Variants in CDON observed in about 807,000 individuals in gnomAD.
The protein encoded by CDON is cell adhesion molecule-related/down-regulated by oncogenes.
In CDON, 73 loss-of-function variants were observed where a neutral mutation model predicts 120.9. That is an observed-to-expected ratio of 0.60 (90% CI 0.50 to 0.73). The LOEUF (loss-of-function observed/expected upper bound fraction) is 0.73. Among genes scored for constraint, CDON ranks in the 30% least tolerant of loss-of-function variants. The pLI is 0.00. For synonymous variants in CDON, 566 were observed against 573.5 expected (o/e 0.99, Z 0.19); for missense variants, 1,470 against 1,587.3 (o/e 0.93, Z 1.26).
chr11:125,992,298 CA>C (rs1946652075), intron 14 of CDON, among the ~76,000 whole-genome samples: 1 of 152,098 alleles, frequency 6.6e-6, no homozygotes, highest in South Asian at 2.1e-4. Flanking sequence ...GCAAAGACCG[CA>C]ATTACTTTTT....
chr11:125,960,574 G>A lies in CDON; in HGVS notation c.*368C>T, dbSNP rs1279056801. On this transcript the variant is annotated 3_prime_UTR_variant, in exon 20 of 20. Transcript: ENST00000531738. ...AACCCAGCTGGTGGCAACCTTCAAC[G>A]GGCCCCTGCATTCCCTCCTAGCCGA... is the stretch of plus-strand genomic sequence containing the variant. 10 of 241,434 alleles carry A rather than the reference G, an allele frequency of 4.1e-5. No individual in the cohort carries two copies. The East Asian group carries it at 1.0e-3, about 25-fold the overall frequency. The allele number at this position is 241,434 out of a possible 1,614,324, so 15.0% of individuals were successfully genotyped here. A position where few individuals can be genotyped will look rare whatever the true frequency, so the allele number is the denominator to read the frequency against.
At chr11:126,045,695 GCA>G (rs1317913019) in intron 1 of CDON, among the ~76,000 whole-genome samples, 2 of 152,058 alleles carry the variant, frequency 1.3e-5, no homozygotes, top group Non-Finnish European at 2.9e-5. Context: ...ATTCGGCTGG[GCA>G]CAGTGGCTCA....
chr11:125,983,342 TTCC>T (rs1367606052), intron 16 of CDON, among the ~76,000 whole-genome samples: 79 of 152,316 alleles, frequency 5.2e-4, no homozygotes, highest in African/African-American at 1.9e-3. Context: ...AGCACACGTA[TTCC>T]TAGACACACT....
chr11:125,981,385 T>TGCACATAC, intron 16 of CDON, 56 bp from the exon 17 acceptor site: 1 of 1,552,582 alleles, frequency 6.4e-7, no homozygotes, highest in Non-Finnish European at 8.8e-7. Flanking sequence ...CACGCACACA[T>TGCACATAC]GCACATACGC....
At position 126,021,373 on chromosome 11, in the gene CDON, A is replaced by G. The variant is rs1461359021; in HGVS notation, c.224T>C (p.Val75Ala). 13 of 1,614,040 alleles carry G rather than the reference A, an allele frequency of 8.1e-6. No homozygotes were observed. The South Asian group carries it at 9.9e-5, about 12-fold the overall frequency. ...TGTCAGAGTCCCCTGATGAATCTTA[A>G]CATGTTCCAGGTTTCCATCCAATGT... ...GKTLDGNLEH[V>A]KIHQGTLTIL... The change falls in exon 3 of 20, where the codon GTT becomes GCT. Residue 75 changes from valine (V) to alanine (A), a missense_variant. By Grantham distance (64) the Val-to-Ala change is moderately conservative (BLOSUM62 0). Coordinates refer to ENST00000531738, the MANE Select transcript of CDON (RefSeq NM_001378964.1).
At chr11:126,030,346 T>C (rs1470466733) in intron 1 of CDON, among the ~76,000 whole-genome samples, 2 of 152,248 alleles carry the variant, frequency 1.3e-5, no homozygotes, top group African/African-American at 4.8e-5. Context: ...TACTTTGTTT[T>C]TGAAGCAACG....
chr11:126,015,896 C>CAGAAGAAT (rs1947453834), intron 6 of CDON, among the ~76,000 whole-genome samples: 1 of 152,072 alleles, frequency 6.6e-6, no homozygotes, highest in Non-Finnish European at 1.5e-5. Flanking sequence ...AACAGAAGAA[C>CAGAAGAAT]GTTTTACTCA....
chr11:126,044,288 T>C (rs1206443673), intron 1 of CDON, among the ~76,000 whole-genome samples: 1 of 152,174 alleles, frequency 6.6e-6, no homozygotes, highest in Non-Finnish European at 1.5e-5. Context: ...TATCGGGGAG[T>C]ACTTTTAAAG....
intron 18 of CDON, among the ~76,000 whole-genome samples, chr11:125,972,151 C>T (rs1946017373): frequency 6.6e-6 from 1 of 152,250 alleles, no homozygotes; most frequent in East Asian, 1.9e-4. Flanking sequence ...AGGGGTCAGG[C>T]GCGGTAGCTC....
At chr11:125,972,290 T>C (rs1207749327) in intron 18 of CDON, among the ~76,000 whole-genome samples, 3 of 152,064 alleles carry the variant, frequency 2.0e-5, no homozygotes, top group Non-Finnish European at 2.9e-5. Flanking sequence ...TAGCCAGCCA[T>C]GGTGCCACAC....
Position 126,019,762 on chromosome 11 carries a change from A to T in CDON, c.353T>A (p.Leu118His), listed in dbSNP as rs1947580269. ...CTTTGTGGATGAACCAAAATCACCA[A>T]GAACTGAAATATATAAGGAAACAGA... is the stretch of plus-strand genomic sequence containing the variant. ...SGPATVSVAV[L>H]GDFGSSTKHV... Residue 118 changes from leucine to histidine, a missense_variant, in exon 4 of 20, where the codon CTT becomes CAT. Physicochemically the swap from Leu to His is moderately conservative, Grantham distance 99. Coordinates refer to ENST00000531738, the MANE Select transcript of CDON (RefSeq NM_001378964.1). 6.2e-7 allele frequency: 1 copy of T among 1,611,570 alleles called. No individual in the cohort carries two copies. The highest frequency in any genetic ancestry group is 8.5e-7 in the Non-Finnish European group (1 of 1,177,998).
Position 125,959,109 on chromosome 11 carries a change from A to G in CDON, c.*1833T>C, listed in dbSNP as rs1945569981. ...CCCTAATATCCGACTAGGGAATTAC[A>G]TTCACTACATTCTACTGGAAGTAAC... On this transcript the variant is annotated 3_prime_UTR_variant, in exon 20 of 20. Transcript: ENST00000531738. 1 of 152,214 alleles carries G rather than the reference A, an allele frequency of 6.6e-6. No individual in the cohort carries two copies. The highest frequency in any genetic ancestry group is 2.1e-4 in the South Asian group (1 of 4,830). 9.4% of individuals were successfully genotyped at this position (152,214 alleles called of 1,614,324 possible).
chr11:125,998,173 A>G (rs1946843242), intron 11 of CDON, among the ~76,000 whole-genome samples: 1 of 152,180 alleles, frequency 6.6e-6, no homozygotes, highest in Admixed American at 6.5e-5. Flanking sequence ...AGGAGGTGAA[A>G]ACATGAGGAG....
chr11:125,975,946 C>T (rs987208638), intron 18 of CDON, among the ~76,000 whole-genome samples: 1 of 152,182 alleles, frequency 6.6e-6, no homozygotes, highest in South Asian at 2.1e-4. Context: ...ATGAGGCCCA[C>T]TTGATAGCCC....
chr11:125,990,029 A>C (rs1946588809), intron 14 of CDON, among the ~76,000 whole-genome samples: 1 of 152,210 alleles, frequency 6.6e-6, no homozygotes, highest in Non-Finnish European at 1.5e-5. Context: ...TTTCACTAAA[A>C]ATAATTAGTG....
Position 125,960,093 on chromosome 11 carries a change from T to G in CDON, c.*849A>C, listed in dbSNP as rs1945600502. 6.6e-6 allele frequency: 1 copy of G among 152,128 alleles called. No individual in the cohort carries two copies. Among genetic ancestry groups the G allele is most frequent in the Non-Finnish European group, 1.5e-5 (1 of 68,058 alleles). The allele number at this position is 152,128 out of a possible 1,614,324, so 9.4% of individuals were successfully genotyped here. ...CTCGTGCCCACGTGCAGATACAAAG[T>G]CAACAGGTCACATTACCACTTCTGT... On this transcript the variant is annotated 3_prime_UTR_variant, in exon 20 of 20. Transcript: ENST00000531738.
intron 3 of CDON, among the ~76,000 whole-genome samples, chr11:126,019,990 T>A (rs1323250479): frequency 6.8e-6 from 1 of 147,636 alleles, no homozygotes; most frequent in Non-Finnish European, 1.5e-5. Flanking sequence ...CAGGCTGTGA[T>A]GAGCCAAGCA....
rs951134680 is a variant in CDON, at chr11:126,005,858, G to A, written c.1752C>T (p.Ser584=). Residue 584 remains serine, a synonymous_variant, in exon 9 of 20, where the codon AGC becomes AGT. Transcript: ENST00000531738. Reference sequence around the variant, plus strand: ...TGTCTGGTGTGTGGGTCTGTGGGGGGCTCAGTATGATGGGGGCATCAGGAA... The same window carrying A: ...TGTCTGGTGTGTGGGTCTGTGGGGGACTCAGTATGATGGGGGCATCAGGAA... ...ISVPDAPIIL[S]PPQTHTPDTY... The A allele has an allele frequency of 1.9e-6, 3 of 1,613,984 alleles. No individual in the cohort carries two copies. In the South Asian group the frequency reaches 3.3e-5, roughly 18 times the overall value.
At chr11:126,031,583 G>C (rs1395189540) in intron 1 of CDON, among the ~76,000 whole-genome samples, 2 of 152,106 alleles carry the variant, frequency 1.3e-5, no homozygotes, top group Non-Finnish European at 2.9e-5. Context: ...CCAACTGAGG[G>C]GGAGGACAGT....
Sources: allele counts gnomAD v4.1 joint callset (sites outside exome capture counted in the v4.1 genomes callset), GRCh38; gene constraint gnomAD v4.1.1; transcripts MANE v1.5; gene names NCBI Gene and HGNC (gene_info 2026-07-23, HGNC 2026-07-21).